The following RIPK2 variants were observed in gnomAD, a reference collection of about 807,000 sequenced individuals.
RIPK2 encodes the protein receptor-interacting serine/threonine-protein kinase 2.
A neutral mutation model predicts 60.9 loss-of-function variants in RIPK2; 38 were observed. The ratio of observed to expected loss-of-function variants is 0.62; its 90% CI spans 0.48 to 0.82. RIPK2 has a LOEUF of 0.82. Ranked by LOEUF, RIPK2 falls within the 40% of genes least tolerant of loss-of-function variation. The pLI is 0.00. For synonymous variants in RIPK2, 225 were observed against 223.4 expected (o/e 1.01, Z -0.06); for missense variants, 518 against 647.0 (o/e 0.80, Z 2.16).
At chr8:89,761,750 T>TA (rs200630184) in intron 1 of RIPK2, among the ~76,000 whole-genome samples, 2,119 of 151,924 alleles carry the variant, frequency 0.014, 57 homozygotes, top group African/African-American at 0.048. Flanking sequence ...TTCTGTATGT[T>TA]AAAAAAAGCA....
At chr8:89,781,579 T>TA (rs1563617049) in intron 7 of RIPK2, among the ~76,000 whole-genome samples, 9 of 151,832 alleles carry the variant, frequency 5.9e-5, no homozygotes, top group African/African-American at 1.7e-4. Flanking sequence ...GTTCTTTTTT[T>TA]TAAAAAAAAT....
chr8:89,758,566 T>A (rs1809091273), intron 1 of RIPK2, among the ~76,000 whole-genome samples: 1 of 152,202 alleles, frequency 6.6e-6, no homozygotes, highest in Non-Finnish European at 1.5e-5. Flanking sequence ...ACGCTGGGTT[T>A]ACTGAAATTG....
At chr8:89,758,515 G>A (rs1330301804) in intron 1 of RIPK2, among the ~76,000 whole-genome samples, 1 of 152,108 alleles carries the variant, frequency 6.6e-6, no homozygotes, top group Non-Finnish European at 1.5e-5. Context: ...AGGCGTTCTG[G>A]CTCCGTACTC....
chr8:89,771,773 G>C lies in RIPK2; in HGVS notation c.674G>C (p.Arg225Thr). 6.9e-6 allele frequency: 11 copies of C among 1,604,784 alleles called. No individual in the cohort carries two copies. Among genetic ancestry groups the C allele is most frequent in the Non-Finnish European group, 9.4e-6 (11 of 1,174,044 alleles). Reference protein sequence around the residue: ...YAVITWEVLSRKQPFEDVTNP... With the variant: ...YAVITWEVLSTKQPFEDVTNP... ...GTTATCACATGGGAAGTGTTATCCA[G>C]AAAACAGCCTTTTGAAGGTAAGTAT... Residue 225 changes from arginine (R) to threonine (T), a missense_variant, in exon 5 of 11, where the codon AGA (arginine) becomes ACA (threonine). Physicochemically the swap from Arg to Thr is moderately conservative, Grantham distance 71. Coordinates refer to ENST00000220751, the MANE Select transcript of RIPK2 (RefSeq NM_003821.6).
At position 89,772,678 on chromosome 8, in the gene RIPK2, C is replaced by G; in HGVS notation, c.703C>G (p.Pro235Ala). 3 of 1,600,072 alleles carry G rather than the reference C, an allele frequency of 1.9e-6. No homozygotes were observed. Among genetic ancestry groups the G allele is most frequent in the Non-Finnish European group, 2.6e-6 (3 of 1,173,180 alleles). Residue 235 changes from proline (P) to alanine (A), a missense_variant, in exon 6 of 11, where the codon CCT becomes GCT. This residue lies in a region of RIPK2 where 448 missense variants were observed against 534.7 expected (regional missense o/e 0.84). Coordinates refer to ENST00000220751, the MANE Select transcript of RIPK2 (RefSeq NM_003821.6). ...ATTTGTTTTGACAGATGTCACCAAT[C>G]CTTTGCAGATAATGTATAGTGTGTC... ...RKQPFEDVTN[P>A]LQIMYSVSQG...
chr8:89,774,310 AGTC>A (rs1809362073), intron 6 of RIPK2, among the ~76,000 whole-genome samples: 1 of 152,194 alleles, frequency 6.6e-6, no homozygotes, highest in South Asian at 2.1e-4. Context: ...TAATATTATT[AGTC>A]ATTTGGAAAT....
intron 8 of RIPK2, among the ~76,000 whole-genome samples, chr8:89,785,079 C>T (rs1244594756): frequency 6.6e-6 from 1 of 152,192 alleles, no homozygotes; most frequent in African/African-American, 2.4e-5. Context: ...CTCCCAACAC[C>T]ACCACATTGG....
In RIPK2 at chr8:89,786,472, TG is replaced by T. The variant is rs939431728; in HGVS notation, c.1030-120del. On this transcript the variant is annotated intron_variant, in intron 8 of 10. Coordinates refer to ENST00000220751, the MANE Select transcript of RIPK2 (RefSeq NM_003821.6). ...CTGGGCAACAGAGTGAGACCCTGTC[TG>T]AAAAAAAAAAATTAGTAGTTTTTAT... 6 of 650,008 alleles carry T rather than the reference TG, an allele frequency of 9.2e-6. No individual in the cohort carries two copies. The African/African-American group carries it at 9.7e-5, about 10-fold the overall frequency. 40.3% of individuals were successfully genotyped at this position (650,008 alleles called of 1,614,324 possible).
intron 7 of RIPK2, among the ~76,000 whole-genome samples, chr8:89,781,900 T>C (rs1483704700): frequency 1.3e-5 from 2 of 152,230 alleles, no homozygotes; most frequent in Admixed American, 1.3e-4. Context: ...ATCACTATTC[T>C]TGCACTTTGG....
At chr8:89,779,742 T>C (rs1048048557) in intron 6 of RIPK2, among the ~76,000 whole-genome samples, 22 of 152,192 alleles carry the variant, frequency 1.4e-4, no homozygotes, top group African/African-American at 5.3e-4. Flanking sequence ...TTCAAGTTAG[T>C]TTTTATGTGT....
At chr8:89,762,396 A>G (rs1809160235) in intron 1 of RIPK2, among the ~76,000 whole-genome samples, 1 of 152,132 alleles carries the variant, frequency 6.6e-6, no homozygotes, top group Non-Finnish European at 1.5e-5. Flanking sequence ...GGATATTTGG[A>G]AAATGTTTAT....
In RIPK2 at chr8:89,769,905, C is replaced by A; in HGVS notation, c.617C>A (p.Ala206Asp). 6.2e-7 allele frequency: 1 copy of A among 1,605,640 alleles called. No individual in the cohort carries two copies. ...TATGAACCTGGACAAAAATCAAGGG[C>A]CAGTATCAAGCACGATATATATAGG... ...ENYEPGQKSR[A>D]SIKHDIYSYA... Residue 206 changes from alanine to aspartate, a missense_variant, in exon 4 of 11, where the codon GCC becomes GAC. Around this residue, in one of 3 missense-constraint regions of RIPK2, gnomAD observed 448 missense variants for 534.7 expected, o/e 0.84. Coordinates refer to ENST00000220751, the MANE Select transcript of RIPK2 (RefSeq NM_003821.6).
chr8:89,788,905 G>T (rs1809630190), intron 9 of RIPK2, among the ~76,000 whole-genome samples: 1 of 152,166 alleles, frequency 6.6e-6, no homozygotes, highest in Non-Finnish European at 1.5e-5. Context: ...AAATGTAATT[G>T]CGTGGATTTG....
At chr8:89,769,981 T>C (rs774467571) in intron 4 of RIPK2, 52 bp downstream of exon 4, 2 of 1,377,170 alleles carry the variant, frequency 1.5e-6, no homozygotes, top group Non-Finnish European at 2.0e-6. Flanking sequence ...GACACAAAAT[T>C]AGTCAACCAG....
rs1243773158 is a variant in RIPK2, at chr8:89,758,221, C to T, written c.161C>T (p.Pro54Leu). ...VAVKHLHIHT[P>L]LLDSERKDVL... is the part of the protein sequence containing the mutation. The stretch of plus-strand genomic sequence containing the variant: ...GTGAAGCACCTGCACATCCACACTC[C>T]GCTGCTCGACAGGTAGGCAGTCACT... The change falls in exon 1 of 11, where the codon CCG (proline) becomes CTG (leucine). Residue 54 changes from proline (P) to leucine (L), a missense_variant. By Grantham distance (98) the Pro-to-Leu change is moderately conservative. Transcript: ENST00000220751. 1 of 1,606,348 alleles carries T rather than the reference C, an allele frequency of 6.2e-7. No homozygotes were observed. The highest frequency in any genetic ancestry group is 2.2e-5 in the East Asian group (1 of 44,584).
intron 6 of RIPK2, among the ~76,000 whole-genome samples, chr8:89,774,463 C>T (rs893395660): frequency 6.6e-6 from 1 of 152,082 alleles, no homozygotes; most frequent in African/African-American, 2.4e-5. Flanking sequence ...AATGATGCTG[C>T]CACTTTGGAA....
rs760480302 is a variant in RIPK2 at position 89,790,107 on chromosome 8, G to T, written c.1314G>T (p.Gln438His). ...GTCTGCAGCCTGGTATAGCCCAGCAGTGGATCCAGAGCAAAAGGGAAGACA... is the reference window on the plus strand; with the variant it reads ...GTCTGCAGCCTGGTATAGCCCAGCATTGGATCCAGAGCAAAAGGGAAGACA... Reference protein sequence around the residue: ...SERLQPGIAQQWIQSKREDIV... With the variant: ...SERLQPGIAQHWIQSKREDIV... Residue 438 changes from glutamine (Q) to histidine (H), a missense_variant, in exon 11 of 11, where the codon CAG becomes CAT. Around this residue, in one of 3 missense-constraint regions of RIPK2, gnomAD observed 448 missense variants for 534.7 expected, o/e 0.84. Coordinates refer to ENST00000220751, the MANE Select transcript of RIPK2 (RefSeq NM_003821.6). The T allele has an allele frequency of 1.2e-6, 2 of 1,613,846 alleles. No homozygotes were observed. Among genetic ancestry groups the T allele is most frequent in the Non-Finnish European group, 1.7e-6 (2 of 1,179,946 alleles).
intron 6 of RIPK2, among the ~76,000 whole-genome samples, chr8:89,774,204 A>G (rs909152502): frequency 1.1e-4 from 16 of 152,172 alleles, no homozygotes; most frequent in African/African-American, 3.9e-4. Context: ...TGACAAGTCA[A>G]TAATAGGACA....
intron 6 of RIPK2, among the ~76,000 whole-genome samples, chr8:89,773,391 G>T (rs1446848406): frequency 1.3e-5 from 2 of 152,116 alleles, no homozygotes; most frequent in Non-Finnish European, 2.9e-5. Flanking sequence ...TAAAGGCTCT[G>T]AGCCTAGAAG....
Sources: gnomAD v4.1 joint callset for allele counts (sites outside exome capture counted in the v4.1 genomes callset) on GRCh38, gnomAD v4.1.1 for gene constraint, gnomAD v4.1.1 regional missense constraint, MANE v1.5 for transcripts, NCBI Gene and HGNC (gene_info 2026-07-23, HGNC 2026-07-21) for gene names.